TOM1: variants seen among roughly 807,000 people sequenced by gnomAD.
TOM1 encodes target of Myb protein 1.
Under a neutral mutation model 61.3 loss-of-function variants are expected in TOM1, and 38 were observed. The observed-to-expected ratio is 0.62, with a 90% CI of 0.48 to 0.81. The LOEUF (loss-of-function observed/expected upper bound fraction) is 0.81. TOM1 is among the 40% of genes least tolerant of loss of function. The probability of loss-of-function intolerance (pLI) is 0.00; values close to 1 mark genes in which losing one functional copy is unlikely to be tolerated. For synonymous variants in TOM1, 270 were observed against 268.8 expected (o/e 1.00, Z -0.04); for missense variants, 591 against 659.6 (o/e 0.90, Z 1.14).
intron 1 of TOM1, among the ~76,000 whole-genome samples, chr22:35,314,619 G>A (rs897519076): frequency 3.9e-5 from 6 of 152,124 alleles, no homozygotes; most frequent in African/African-American, 1.2e-4. Flanking sequence ...GGTGCCCATC[G>A]TTTTCAGGGG....
chr22:35,323,273 G>C lies in TOM1; in HGVS notation c.366+96G>C. The C allele has an allele frequency of 6.6e-7, 1 of 1,516,100 alleles. No homozygotes were observed. The highest frequency in any genetic ancestry group is 2.3e-5 in the East Asian group (1 of 44,026). The allele number at this position is 1,516,100 out of a possible 1,614,324, so 93.9% of individuals were successfully genotyped here. A position where few individuals can be genotyped will look rare whatever the true frequency, so the allele number is the denominator to read the frequency against. ...AGTCGAGGCCATCGTGTTTGTCCCA[G>C]GCTCCGCTTCTCATTTCGGGGCGTC... On this transcript the variant is annotated intron_variant, in intron 4 of 14. Coordinates refer to ENST00000449058, the MANE Select transcript of TOM1 (RefSeq NM_005488.3). This position sits in a 1 kb window ranked among gnomAD's most constrained non-coding sequence, Gnocchi z 4.2.
At chr22:35,328,102 G>T (rs1474781562) in intron 7 of TOM1, among the ~76,000 whole-genome samples, 1 of 152,170 alleles carries the variant, frequency 6.6e-6, no homozygotes, top group Non-Finnish European at 1.5e-5. Flanking sequence ...CAGGCCTCAG[G>T]CTCCTTGAGG....
chr22:35,300,625 G>T (rs1489922393), intron 1 of TOM1, among the ~76,000 whole-genome samples: 3 of 152,208 alleles, frequency 2.0e-5, no homozygotes, highest in African/African-American at 7.2e-5. Flanking sequence ...CTCCTGGTCA[G>T]CCCATCTCGG....
At chr22:35,327,790 A>G (rs965294701) in intron 7 of TOM1, among the ~76,000 whole-genome samples, 1 of 152,196 alleles carries the variant, frequency 6.6e-6, no homozygotes, top group Non-Finnish European at 1.5e-5. Context: ...GAGACTCAGC[A>G]GGCAGGTGTG....
intron 11 of TOM1, among the ~76,000 whole-genome samples, chr22:35,336,547 C>T (rs1929355310): frequency 6.6e-6 from 1 of 152,262 alleles, no homozygotes; most frequent in South Asian, 2.1e-4. Flanking sequence ...AGCAGGGCTT[C>T]TGGGCGAGCC....
At position 35,327,274 on chromosome 22, in the gene TOM1, G is replaced by A. The variant is rs1481079925; in HGVS notation, c.652G>A (p.Gly218Arg). 1 of 1,613,810 alleles carries A rather than the reference G, an allele frequency of 6.2e-7. No homozygotes were observed. The highest frequency in any genetic ancestry group is 1.3e-5 in the African/African-American group (1 of 75,014). The change falls in exon 7 of 15, where the codon GGG becomes AGG. Residue 218 changes from glycine (G) to arginine (R), a missense_variant. Coordinates refer to ENST00000449058, the MANE Select transcript of TOM1 (RefSeq NM_005488.3). ...TPIAPTPEQI[G>R]KLRSELEMVS... ...CACGATCAACTGTGTGTTTCAGATT[G>A]GGAAGCTGCGCAGTGAGCTGGAGAT...
At chr22:35,308,291 CT>C (rs575857676) in intron 1 of TOM1, among the ~76,000 whole-genome samples, 7 of 89,624 alleles carry the variant, frequency 7.8e-5, no homozygotes, top group Non-Finnish European at 9.0e-5. Context: ...TTTTTTTTTT[CT>C]TTTTTTTTTG....
rs566407486 is a variant in TOM1, at chr22:35,325,223, G to A, written c.648+1309G>A. Among the ~76,000 whole-genome samples, 4 of 152,350 alleles carry A rather than the reference G, an allele frequency of 2.6e-5. No homozygotes were observed. The South Asian group carries it at 8.3e-4, about 32-fold the overall frequency. The stretch of plus-strand genomic sequence containing the variant: ...GTGTGCTGGTGAGTTAGACACGGAT[G>A]TGTGATGGAAAGAAAAGTGAAGCTT... On this transcript the variant is annotated intron_variant, in intron 6 of 14. Coordinates refer to ENST00000449058, the MANE Select transcript of TOM1 (RefSeq NM_005488.3).
intron 12 of TOM1, among the ~76,000 whole-genome samples, chr22:35,341,240 A>C (rs549585413): frequency 1.3e-5 from 2 of 152,196 alleles, no homozygotes; most frequent in Non-Finnish European, 2.9e-5. Flanking sequence ...GCTTAAGTGA[A>C]ACCACAGGTG....
intron 1 of TOM1, 65 bp from the exon 2 acceptor site, chr22:35,317,812 C>A (rs1927432969): frequency 3.9e-6 from 5 of 1,275,026 alleles, no homozygotes; most frequent in Non-Finnish European, 4.6e-6. Context: ...TCCTCTCCCA[C>A]CCACGGTTTG....
intron 12 of TOM1, among the ~76,000 whole-genome samples, chr22:35,343,119 A>C (rs1930053584): frequency 1.7e-5 from 2 of 117,606 alleles, no homozygotes; most frequent in African/African-American, 6.8e-5. Flanking sequence ...ACACACCCAC[A>C]CACACCACAC....
chr22:35,329,196 T>C (rs1018344466), intron 7 of TOM1, among the ~76,000 whole-genome samples: 2 of 152,190 alleles, frequency 1.3e-5, no homozygotes. Flanking sequence ...CCTCAGGTGA[T>C]CCACCCGCCT....
chr22:35,333,592 C>T, intron 10 of TOM1, 95 bp downstream of exon 10: 3 of 1,105,012 alleles, frequency 2.7e-6, no homozygotes. Context: ...ATACCCACAG[C>T]AGAGTGTCAG....
At position 35,333,368 on chromosome 22, in the gene TOM1, C is replaced by T. The variant is rs373781855; in HGVS notation, c.934-36C>T. On this transcript the variant is annotated intron_variant, in intron 9 of 14. Coordinates refer to ENST00000449058, the MANE Select transcript of TOM1 (RefSeq NM_005488.3). Reference sequence around the variant, plus strand: ...GGGCAGAAAGGAACGAAGCTGCAGACAGCGGGGATGATCAGGGCATCTCCC... The same window carrying T: ...GGGCAGAAAGGAACGAAGCTGCAGATAGCGGGGATGATCAGGGCATCTCCC... 44 of 1,588,172 alleles carry T rather than the reference C, an allele frequency of 2.8e-5. 1 individual carries two copies. In the Middle Eastern group the frequency reaches 5.4e-4, roughly 20 times the overall value.
At chr22:35,343,250 C>CCT (rs1930087308) in intron 12 of TOM1, among the ~76,000 whole-genome samples, 1 of 146,266 alleles carries the variant, frequency 6.8e-6, no homozygotes, top group Admixed American at 6.8e-5. Flanking sequence ...ACCCACCACA[C>CCT]ACACCTCCAC....
intron 12 of TOM1, among the ~76,000 whole-genome samples, chr22:35,343,744 C>T (rs1930225339): frequency 6.7e-6 from 1 of 148,976 alleles, no homozygotes; most frequent in Admixed American, 6.7e-5. Context: ...ACCACACCTA[C>T]ACACACACCC....
Position 35,323,928 on chromosome 22 carries a change from G to A in TOM1, c.648+14G>A, listed in dbSNP as rs1928084081. 1 of 1,538,218 alleles carries A rather than the reference G, an allele frequency of 6.5e-7. No homozygotes were observed. The highest frequency in any genetic ancestry group is 8.8e-7 in the Non-Finnish European group (1 of 1,140,110). On this transcript the variant is annotated intron_variant, in intron 6 of 14. Transcript: ENST00000449058. This position sits in a 1 kb window ranked among gnomAD's most constrained non-coding sequence, Gnocchi z 4.2. ...ACCCCGGAACAGGTAAACGAGCCTG[G>A]GGTCAGAACCGTCAGGTCCAGGCAG...
At chr22:35,334,111 A>C (rs944848917) in intron 10 of TOM1, among the ~76,000 whole-genome samples, 2 of 152,150 alleles carry the variant, frequency 1.3e-5, no homozygotes, top group Non-Finnish European at 1.5e-5. Context: ...TAACGCTCAC[A>C]GCAGCCCCAA....
At chr22:35,317,202 G>T (rs900942700) in intron 1 of TOM1, among the ~76,000 whole-genome samples, 24 of 152,108 alleles carry the variant, frequency 1.6e-4, no homozygotes, top group Non-Finnish European at 3.2e-4. Flanking sequence ...TTGTTTGTTT[G>T]TTTGTTTTGG....
Sources: allele counts gnomAD v4.1 joint callset (sites outside exome capture counted in the v4.1 genomes callset), GRCh38; gene constraint gnomAD v4.1.1; non-coding constraint Gnocchi (gnomAD v3.1); transcripts MANE v1.5; gene names NCBI Gene and HGNC (gene_info 2026-07-23, HGNC 2026-07-21).